Variants in TPP2 observed in about 807,000 individuals in gnomAD.
TPP2 encodes tripeptidyl-peptidase 2.
A neutral mutation model predicts 155.9 loss-of-function variants in TPP2; 34 were observed. The ratio of observed to expected loss-of-function variants is 0.22; its 90% CI spans 0.17 to 0.29. The LOEUF (loss-of-function observed/expected upper bound fraction) is 0.29, where lower values mean the gene tolerates loss of function less well. Ranked by LOEUF, TPP2 falls within the 10% of genes least tolerant of loss-of-function variation. The probability of loss-of-function intolerance (pLI) is 1.00; values close to 1 mark genes in which losing one functional copy is unlikely to be tolerated. For missense variants in TPP2, 1,028 were observed against 1,522.3 expected (o/e 0.68, Z 5.40); for synonymous variants, 510 against 529.4 (o/e 0.96, Z 0.50).
At position 102,636,764 on chromosome 13, in the gene TPP2, G is replaced by T. The variant is rs75520955; in HGVS notation, c.1679-318G>T. On this transcript the variant is annotated intron_variant, in intron 13 of 29. Transcript: ENST00000376052. ...TCTAGGAGAACTGCAGCTCGATTAGGTGTGAACAAAAATAATCATCGCTAT... is the reference window on the plus strand; with the variant it reads ...TCTAGGAGAACTGCAGCTCGATTAGTTGTGAACAAAAATAATCATCGCTAT... 1.6e-3 allele frequency among the ~76,000 whole-genome samples: 241 copies of T among 152,298 alleles called. 3 individuals carry two copies. In the East Asian group the frequency reaches 0.037, roughly 24 times the overall value.
intron 24 of TPP2, among the ~76,000 whole-genome samples, chr13:102,656,325 C>G (rs1173299524): frequency 6.6e-6 from 1 of 152,128 alleles, no homozygotes; most frequent in Admixed American, 6.6e-5. Flanking sequence ...TCAAGCCCTA[C>G]TTAAGTTGGC....
Position 102,637,086 on chromosome 13 carries a change from C to G in TPP2, c.1683C>G (p.Asn561Lys), listed in dbSNP as rs1179576178. ...TTTTGGTCTTTTTCGTGCCAGAAAA[C>G]TCTGAAAAAATATCCCTTCAGCTTC... is the stretch of plus-strand genomic sequence containing the variant. Reference protein sequence around the residue: ...IEPVFPENTENSEKISLQLHL... With the variant: ...IEPVFPENTEKSEKISLQLHL... Residue 561 changes from asparagine (N) to lysine (K), a missense_variant, in exon 14 of 30, where the codon AAC (asparagine) becomes AAG (lysine). Physicochemically the swap from Asn to Lys is moderately conservative, Grantham distance 94. Coordinates refer to ENST00000376052, the MANE Select transcript of TPP2 (RefSeq NM_001330588.2). The G allele has an allele frequency of 6.3e-6, 10 of 1,579,086 alleles. 1 individual carries two copies. The highest frequency in any genetic ancestry group is 8.5e-6 in the Non-Finnish European group (10 of 1,169,716).
At chr13:102,648,431 T>TGTGTGTGC (rs1883276043) in intron 21 of TPP2, among the ~76,000 whole-genome samples, 1 of 36,134 alleles carries the variant, frequency 2.8e-5, no homozygotes, top group Non-Finnish European at 5.8e-5. Context: ...AAGTTACACG[T>TGTGTGTGC]GTGTGTGTGT....
At chr13:102,613,738 C>T (rs886597324) in intron 2 of TPP2, among the ~76,000 whole-genome samples, 10 of 152,138 alleles carry the variant, frequency 6.6e-5, no homozygotes, top group African/African-American at 1.2e-4. Flanking sequence ...GTAAACTAGG[C>T]GTACTGTTTG....
intron 13 of TPP2, 42 bp downstream of exon 13, chr13:102,636,434 CT>C (rs746474869): frequency 9.5e-6 from 15 of 1,579,762 alleles, no homozygotes; most frequent in Non-Finnish European, 1.3e-5. Flanking sequence ...TTCACATTTG[CT>C]GTTTGAATGA....
intron 2 of TPP2, among the ~76,000 whole-genome samples, chr13:102,605,264 C>A (rs753117236): frequency 1.3e-5 from 2 of 152,202 alleles, no homozygotes; most frequent in Non-Finnish European, 2.9e-5. Flanking sequence ...GCCATTGGGC[C>A]TCTCCGCAGT....
intron 4 of TPP2, among the ~76,000 whole-genome samples, chr13:102,618,070 T>A (rs1005792473): frequency 4.6e-5 from 7 of 152,240 alleles, no homozygotes; most frequent in Non-Finnish European, 1.0e-4. Context: ...TAACTTATTT[T>A]TTTATATACA....
chr13:102,652,469 T>C (rs1566359298), intron 24 of TPP2, among the ~76,000 whole-genome samples: 3 of 126,322 alleles, frequency 2.4e-5, no homozygotes, highest in South Asian at 5.2e-4. Flanking sequence ...GGACCACATA[T>C]TTAATAAGCT....
chr13:102,642,131 G>T (rs1345883047), intron 16 of TPP2, among the ~76,000 whole-genome samples: 2 of 152,164 alleles, frequency 1.3e-5, no homozygotes, highest in Non-Finnish European at 2.9e-5. Context: ...AAATATAGTC[G>T]TTAGTCTGTT....
At chr13:102,627,961 T>G in intron 8 of TPP2, 37 bp downstream of exon 8, 3 of 1,528,192 alleles carry the variant, frequency 2.0e-6, no homozygotes, top group Non-Finnish European at 2.7e-6. Context: ...CCATAGAACC[T>G]TAGCCAGTGA....
intron 1 of TPP2, among the ~76,000 whole-genome samples, chr13:102,599,625 T>C (rs772714548): frequency 1.3e-5 from 2 of 152,170 alleles, no homozygotes; most frequent in Non-Finnish European, 2.9e-5. Context: ...GGCCCAATTC[T>C]TTTGTGACAG....
At chr13:102,635,548 G>C in intron 11 of TPP2, 39 bp from the exon 12 acceptor site, 1 of 1,499,404 alleles carries the variant, frequency 6.7e-7, no homozygotes. Flanking sequence ...GTTTCAGATA[G>C]TGAGTGCTAC....
Position 102,626,992 on chromosome 13 carries a change from C to A in TPP2, c.785-20C>A. 6.6e-7 allele frequency: 1 copy of A among 1,506,720 alleles called. No homozygotes were observed. The highest frequency in any genetic ancestry group is 8.9e-7 in the Non-Finnish European group (1 of 1,129,070). 93.3% of individuals were successfully genotyped at this position (1,506,720 alleles called of 1,614,324 possible). A position where few individuals can be genotyped will look rare whatever the true frequency, so the allele number is the denominator to read the frequency against. ...AGTCCATGAGAATGTTTTGTCATTT[C>A]CCCACCTTTGTGTCTCTAGGAGCTC... On this transcript the variant is annotated intron_variant, in intron 6 of 29. Transcript: ENST00000376052.
chr13:102,629,581 T>C lies in TPP2; in HGVS notation c.1116T>C (p.Cys372=). 6.4e-7 allele frequency: 1 copy of C among 1,557,164 alleles called. No homozygotes were observed. Among genetic ancestry groups the C allele is most frequent in the Non-Finnish European group, 8.6e-7 (1 of 1,160,792 alleles). The change falls in exon 9 of 30, where the codon TGT becomes TGC. Residue 372 remains cysteine, a synonymous_variant. Coordinates refer to ENST00000376052, the MANE Select transcript of TPP2 (RefSeq NM_001330588.2). ...NNGPCLSTVG[C]PGGTTSSVIG... is the part of the protein sequence containing the mutation. ...GTCCATGCCTGTCTACAGTTGGTTG[T>C]CCAGGTGGAACTACATCAAGTGTGA...
chr13:102,658,971 G>T (rs1232459281), intron 25 of TPP2, among the ~76,000 whole-genome samples: 2 of 152,198 alleles, frequency 1.3e-5, no homozygotes, highest in African/African-American at 4.8e-5. Context: ...ACAGGAGAGT[G>T]CTAAGCTCCT....
Position 102,627,644 on chromosome 13 carries a change from T to G in TPP2, c.940-204T>G, listed in dbSNP as rs532857832. On this transcript the variant is annotated intron_variant, in intron 7 of 29. Coordinates refer to ENST00000376052, the MANE Select transcript of TPP2 (RefSeq NM_001330588.2). ...GCTAGTTTTTTGTTTTTTTTTTTAA[T>G]GACTACTTTTTTATGTGTCTCCTCC... Among the ~76,000 whole-genome samples, 234 of 151,772 alleles carry G rather than the reference T, an allele frequency of 1.5e-3. No homozygotes were observed. Among genetic ancestry groups the G allele is most frequent in the Non-Finnish European group, 2.6e-3 (179 of 67,932 alleles).
chr13:102,630,016 A>C (rs1010798830), intron 9 of TPP2, 80 bp from the exon 10 acceptor site: 29 of 1,149,728 alleles, frequency 2.5e-5, no homozygotes, highest in Non-Finnish European at 3.6e-5. Context: ...GAGATTAGGC[A>C]GTTTACTCAA....
intron 16 of TPP2, among the ~76,000 whole-genome samples, 190 bp from the exon 17 acceptor site, chr13:102,643,032 T>C (rs1328270770): frequency 6.6e-6 from 1 of 152,210 alleles, no homozygotes; most frequent in Admixed American, 6.6e-5. Context: ...CTTCTAGTCT[T>C]CTACCTTTAT....
chr13:102,599,112 G>C (rs181961992), intron 1 of TPP2, among the ~76,000 whole-genome samples: 7 of 152,130 alleles, frequency 4.6e-5, no homozygotes, highest in Admixed American at 2.0e-4. Context: ...CCTTCCCTTT[G>C]GGATCCCCAG....
Sources: gnomAD v4.1 joint callset for allele counts (sites outside exome capture counted in the v4.1 genomes callset) on GRCh38, gnomAD v4.1.1 for gene constraint, MANE v1.5 for transcripts, NCBI Gene and HGNC (gene_info 2026-07-23, HGNC 2026-07-21) for gene names.